RBFOX1: variants seen among roughly 807,000 people sequenced by gnomAD.
RBFOX1 encodes RNA binding fox-1 homolog 1, also known as RNA binding protein fox-1 homolog 1.
A neutral mutation model predicts 57.7 loss-of-function variants in RBFOX1; 8 were observed. The ratio of observed to expected loss-of-function variants is 0.14; its 90% CI spans 0.08 to 0.25. The LOEUF (loss-of-function observed/expected upper bound fraction) is 0.25. RBFOX1 is among the 10% of genes least tolerant of loss of function. RBFOX1 has a pLI of 1.00. For synonymous variants in RBFOX1, 326 were observed against 222.4 expected (o/e 1.47, Z -4.15); for missense variants, 611 against 548.5 (o/e 1.11, Z -1.14).
At chr16:6,356,424 CGAGAACT>C (rs2087334050) in intron 2 of RBFOX1, among the ~76,000 whole-genome samples, 1 of 152,100 alleles carries the variant, frequency 6.6e-6, no homozygotes, top group Non-Finnish European at 1.5e-5. Context: ...GGCAACAGAG[CGAGAACT>C]TGTCTTAAAA....
At chr16:6,264,481 G>A (rs1418645304) in intron 1 of RBFOX1, among the ~76,000 whole-genome samples, 1 of 152,164 alleles carries the variant, frequency 6.6e-6, no homozygotes, top group South Asian at 2.1e-4. Flanking sequence ...TGGTAGGACA[G>A]TGAGTGATCA....
intron 1 of RBFOX1, among the ~76,000 whole-genome samples, chr16:5,378,507 C>T (rs981833579): frequency 6.6e-6 from 1 of 151,490 alleles, no homozygotes; most frequent in Non-Finnish European, 1.5e-5. Context: ...TCAGTATTAA[C>T]TATTTTCGTT....
intron 3 of RBFOX1, among the ~76,000 whole-genome samples, chr16:6,788,677 G>T (rs1603623907): frequency 1.3e-5 from 2 of 151,678 alleles, no homozygotes; most frequent in Admixed American, 6.6e-5. Context: ...GGGTTTCACC[G>T]TGTTAGCCAG....
intron 4 of RBFOX1, among the ~76,000 whole-genome samples, chr16:7,102,331 G>T (rs1279771124): frequency 6.6e-6 from 1 of 152,188 alleles, no homozygotes; most frequent in Non-Finnish European, 1.5e-5. Context: ...TGTGAAGAAG[G>T]ATCTGATACA....
chr16:6,680,574 T>C (rs552129177), intron 3 of RBFOX1, among the ~76,000 whole-genome samples: 2 of 152,314 alleles, frequency 1.3e-5, no homozygotes, highest in African/African-American at 4.8e-5. Flanking sequence ...TCTTTGCTTT[T>C]TCTTAGACCT....
At chr16:7,582,580 C>T (rs975788709) in intron 6 of RBFOX1, among the ~76,000 whole-genome samples, 10 of 151,982 alleles carry the variant, frequency 6.6e-5, no homozygotes, top group African/African-American at 2.2e-4. Flanking sequence ...CATCTGTAAA[C>T]ATTCTCATTG....
At chr16:7,706,548 A>G (rs1198634366) in intron 14 of RBFOX1, among the ~76,000 whole-genome samples, 1 of 152,236 alleles carries the variant, frequency 6.6e-6, no homozygotes, top group Non-Finnish European at 1.5e-5. Flanking sequence ...AGAGGAAATT[A>G]TTGCCACAGT....
intron 2 of RBFOX1, among the ~76,000 whole-genome samples, chr16:5,480,180 A>G (rs142890576): frequency 2.0e-5 from 3 of 152,182 alleles, no homozygotes; most frequent in Admixed American, 1.3e-4. Context: ...TCATCCGGAG[A>G]TGCATAAAAG....
intron 3 of RBFOX1, among the ~76,000 whole-genome samples, chr16:6,667,502 A>G (rs1474764664): frequency 6.6e-6 from 1 of 152,050 alleles, no homozygotes; most frequent in Non-Finnish European, 1.5e-5. Flanking sequence ...GGAGGAGAGA[A>G]TATTTTCTGG....
At chr16:6,870,422 C>T (rs1261177208) in intron 3 of RBFOX1, among the ~76,000 whole-genome samples, 2 of 152,212 alleles carry the variant, frequency 1.3e-5, no homozygotes, top group Non-Finnish European at 2.9e-5. Context: ...TACCTCACTT[C>T]TGATACCTAT....
chr16:5,491,040 G>A (rs896885388), intron 2 of RBFOX1, among the ~76,000 whole-genome samples: 2 of 152,068 alleles, frequency 1.3e-5, no homozygotes, highest in African/African-American at 4.8e-5. Context: ...GATTTGATCT[G>A]CAATGGCCAA....
chr16:5,645,319 C>A (rs1267694538), intron 3 of RBFOX1, among the ~76,000 whole-genome samples: 2 of 151,234 alleles, frequency 1.3e-5, no homozygotes, highest in Non-Finnish European at 2.9e-5. Flanking sequence ...ACACAAAAGG[C>A]CACATATTGT....
chr16:6,514,569 C>T (rs147640802), intron 2 of RBFOX1, among the ~76,000 whole-genome samples: 227 of 152,218 alleles, frequency 1.5e-3, no homozygotes, highest in Non-Finnish European at 2.7e-3. Context: ...AGTGTAGGCA[C>T]GTATGTGGGG....
At chr16:5,603,918 T>A (rs1179113848), downstream of RBFOX1, among the ~76,000 whole-genome samples, 7 of 152,170 alleles carry the variant, frequency 4.6e-5, no homozygotes, top group Non-Finnish European at 1.0e-4. Context: ...TTTCTTGATA[T>A]AGTAGAAACT....
chr16:5,537,544 G>A (rs1186800074), intron 2 of RBFOX1, among the ~76,000 whole-genome samples: 1 of 152,208 alleles, frequency 6.6e-6, no homozygotes. Context: ...GCTTATATGT[G>A]TTGTTGGTAG....
intron 3 of RBFOX1, among the ~76,000 whole-genome samples, chr16:6,834,786 A>C (rs2092964885): frequency 6.6e-6 from 1 of 151,986 alleles, no homozygotes; most frequent in Non-Finnish European, 1.5e-5. Flanking sequence ...TGGCTCTCAG[A>C]GTCATTCTTA....
rs764712351 is a variant in RBFOX1 at position 7,713,036 on chromosome 16, G to T, written c.*2291G>T. On this transcript the variant is annotated 3_prime_UTR_variant, in exon 16 of 16. Coordinates refer to ENST00000550418, the MANE Select transcript of RBFOX1 (RefSeq NM_018723.4). The stretch of plus-strand genomic sequence containing the variant: ...AGAATCTTTTGTCTAGGCACTCCAA[G>T]ATGCCAATAAGTCATTTTAAAATGT... The T allele has an allele frequency of 1.2e-4, 18 of 152,282 alleles. No individual in the cohort carries two copies. Among genetic ancestry groups the T allele is most frequent in the Non-Finnish European group, 2.4e-4 (16 of 68,018 alleles). The allele number at this position is 152,282 out of a possible 1,614,324, so 9.4% of individuals were successfully genotyped here.
chr16:5,525,506 T>A (rs1162919923), intron 2 of RBFOX1, among the ~76,000 whole-genome samples: 1 of 145,258 alleles, frequency 6.9e-6, no homozygotes, highest in African/African-American at 2.6e-5. Flanking sequence ...TTTTTTTTTT[T>A]TTTTTTTTTG....
intron 4 of RBFOX1, among the ~76,000 whole-genome samples, chr16:7,363,331 C>G (rs562186556): frequency 2.0e-4 from 30 of 152,110 alleles, no homozygotes; most frequent in Admixed American, 1.3e-4. Context: ...GTGTTACTTA[C>G]AACGTGTGAG....
Sources: allele counts gnomAD v4.1 joint callset (sites outside exome capture counted in the v4.1 genomes callset), GRCh38; gene constraint gnomAD v4.1.1; transcripts MANE v1.5; gene names NCBI Gene and HGNC (gene_info 2026-07-23, HGNC 2026-07-21).